Variants in BCAS3 observed in about 807,000 individuals in gnomAD.
The protein encoded by BCAS3 is BCAS4/BCAS3 fusion.
Under a neutral mutation model 116.1 loss-of-function variants are expected in BCAS3, and 53 were observed. That is an observed-to-expected ratio of 0.46 (90% CI 0.37 to 0.57). The LOEUF is 0.57. Among genes scored for constraint, BCAS3 ranks in the 20% least tolerant of loss-of-function variants. The pLI is 0.00. For missense variants in BCAS3, 917 were observed against 1,165.4 expected, an observed-to-expected ratio of 0.79 and a Z score of 3.10; for synonymous variants, 391 against 408.2, an observed-to-expected ratio of 0.96 and a Z score of 0.51.
chr17:61,350,965 T>C (rs1468214214), intron 22 of BCAS3, among the ~76,000 whole-genome samples: 2 of 152,126 alleles, frequency 1.3e-5, no homozygotes, highest in African/African-American at 4.8e-5. Flanking sequence ...GATCCTGCCA[T>C]TTGCCACAAC....
rs76155852 is a variant in BCAS3 at position 60,874,410 on chromosome 17, GTAGT to G, written c.585-250_585-247del. 2.0e-5 allele frequency among the ~76,000 whole-genome samples: 3 copies of G among 152,106 alleles called. No individual in the cohort carries two copies. In the East Asian group the frequency reaches 5.8e-4, roughly 29 times the overall value. ...TAAAAGACAAACATTTTTTGAGGTG[GTAGT>G]TTTTTCTTCCATCACTTTTCTTCTA... On this transcript the variant is annotated intron_variant, in intron 8 of 23. Transcript: ENST00000407086.
Position 61,365,958 on chromosome 17 carries a change from C to A in BCAS3, c.2426-2369C>A, listed in dbSNP as rs1284068284. ...AGAAGTTCAAGACCAGCCTGGCCTA[C>A]ATGGTGAAACCCCGTCTCTACTAAA... On this transcript the variant is annotated intron_variant, in intron 22 of 23. Transcript: ENST00000407086. This position sits in a 1 kb window ranked among gnomAD's most constrained non-coding sequence, Gnocchi z 4.6. Among the ~76,000 whole-genome samples, 1 of 152,030 alleles carries A rather than the reference C, an allele frequency of 6.6e-6. No individual in the cohort carries two copies. Among genetic ancestry groups the A allele is most frequent in the Non-Finnish European group, 1.5e-5 (1 of 68,010 alleles).
chr17:61,040,779 C>T lies in BCAS3; in HGVS notation c.1929-13C>T. On this transcript the variant is annotated splice_polypyrimidine_tract_variant and intron_variant, in intron 18 of 23. Transcript: ENST00000407086. ...TAAGCTTAAATATTAATATTCTTCTCCTGTTTCCTTAGAACCCCTCAATGG... is the reference window on the plus strand; with the variant it reads ...TAAGCTTAAATATTAATATTCTTCTTCTGTTTCCTTAGAACCCCTCAATGG... The T allele has an allele frequency of 3.7e-6, 6 of 1,600,800 alleles. No individual in the cohort carries two copies. The highest frequency in any genetic ancestry group is 4.3e-6 in the Non-Finnish European group (5 of 1,167,982).
In BCAS3 at chr17:60,967,332, A is replaced by G. The variant is rs1344114538; in HGVS notation, c.1221+19980A>G. ...GCTGAATGCAATATTCTTGGATGGC[A>G]ATGTTTTCTCCTTGAGCACTTTGAA... On this transcript the variant is annotated intron_variant, in intron 14 of 23. Coordinates refer to ENST00000407086, the MANE Select transcript of BCAS3 (RefSeq NM_017679.5). This position sits in a 1 kb window ranked among gnomAD's most constrained non-coding sequence, Gnocchi z 4.7. Among the ~76,000 whole-genome samples, 1 of 152,064 alleles carries G rather than the reference A, an allele frequency of 6.6e-6. No individual in the cohort carries two copies. Among genetic ancestry groups the G allele is most frequent in the Non-Finnish European group, 1.5e-5 (1 of 68,006 alleles).
chr17:60,930,578 T>C (rs151178565), intron 13 of BCAS3, among the ~76,000 whole-genome samples: 3,283 of 152,028 alleles, frequency 0.022, 98 homozygotes, highest in East Asian at 0.11. Context: ...GCCCCAGCCT[T>C]CTGAGTAGCT....
At chr17:60,903,789 A>G (rs1180216822) in intron 11 of BCAS3, among the ~76,000 whole-genome samples, 1 of 152,208 alleles carries the variant, frequency 6.6e-6, no homozygotes, top group East Asian at 1.9e-4. Context: ...TAGAAAAATT[A>G]TGATGGTTAT....
chr17:60,684,919 A>T (rs1365130828), intron 3 of BCAS3, among the ~76,000 whole-genome samples: 1 of 152,180 alleles, frequency 6.6e-6, no homozygotes, highest in East Asian at 1.9e-4. Context: ...GAGTGGGAAA[A>T]AAAGGAGAAA....
chr17:60,709,969 C>T (rs1177379085), intron 5 of BCAS3, among the ~76,000 whole-genome samples: 2 of 152,096 alleles, frequency 1.3e-5, no homozygotes, highest in Non-Finnish European at 2.9e-5. Context: ...TAATTATCTT[C>T]CAGTAGATGA....
rs1371331050 is a variant in BCAS3 at position 61,347,284 on chromosome 17, G to C, written c.2426-21043G>C. On this transcript the variant is annotated intron_variant, in intron 22 of 23. Coordinates refer to ENST00000407086, the MANE Select transcript of BCAS3 (RefSeq NM_017679.5). The surrounding 1 kb of genome is among the most constrained non-coding windows in gnomAD (Gnocchi z 4.3). ...TTTAGTAGAGACGGGGTTACACCGT[G>C]TTGGCCAGGCTGGTCTCGATATGCT... 1.3e-5 allele frequency among the ~76,000 whole-genome samples: 2 copies of C among 152,148 alleles called. No individual in the cohort carries two copies. The highest frequency in any genetic ancestry group is 2.9e-5 in the Non-Finnish European group (2 of 68,028).
Position 61,301,361 on chromosome 17 carries a change from C to T in BCAS3, c.2426-66966C>T, listed in dbSNP as rs372760113. Among the ~76,000 whole-genome samples, 110 of 152,278 alleles carry T rather than the reference C, an allele frequency of 7.2e-4. 1 individual carries two copies. Among genetic ancestry groups the T allele is most frequent in the African/African-American group, 2.2e-3 (92 of 41,552 alleles). On this transcript the variant is annotated intron_variant, in intron 22 of 23. Coordinates refer to ENST00000407086, the MANE Select transcript of BCAS3 (RefSeq NM_017679.5). ...TGAAAAGACTGATTTCGGCCGGGCA[C>T]GGTGACTCACGCCTGTAATCCCAGC...
In BCAS3 at chr17:61,163,430, G is replaced by GAA. The variant is rs11438901; in HGVS notation, c.2425+78880_2425+78881dup. Among the ~76,000 whole-genome samples the GAA allele has an allele frequency of 7.7e-3, 1,108 of 144,226 alleles. 14 individuals are homozygous for GAA. The highest frequency in any genetic ancestry group is 0.023 in the African/African-American group (897 of 39,272). 94.6% of individuals were successfully genotyped at this position (144,226 alleles called of 152,430 possible). A position where few individuals can be genotyped will look rare whatever the true frequency, so the allele number is the denominator to read the frequency against. On this transcript the variant is annotated intron_variant, in intron 22 of 23. Transcript: ENST00000407086. The stretch of plus-strand genomic sequence containing the variant: ...CAGAGCGAGACTCCGTCTCAGAAAG[G>GAA]AAAAAAAAAAAAAAAGTTTTTTTCT...
intron 11 of BCAS3, among the ~76,000 whole-genome samples, chr17:60,903,259 GC>G (rs1223108309): frequency 6.6e-6 from 1 of 152,162 alleles, no homozygotes; most frequent in Non-Finnish European, 1.5e-5. Context: ...ATAATAGAAA[GC>G]ACAACCATTC....
At chr17:60,808,484 G>A (rs2048490536) in intron 7 of BCAS3, among the ~76,000 whole-genome samples, 1 of 152,224 alleles carries the variant, frequency 6.6e-6, no homozygotes, top group African/African-American at 2.4e-5. Flanking sequence ...TCAGTAAATA[G>A]TGTGCACTTC....
intron 14 of BCAS3, among the ~76,000 whole-genome samples, chr17:60,974,990 TG>T (rs2062216386): frequency 1.5e-5 from 2 of 137,164 alleles, no homozygotes; most frequent in Admixed American, 6.8e-5. Flanking sequence ...TTGTTTTTTT[TG>T]CTTTTTTGTT....
At position 61,057,953 on chromosome 17, in the gene BCAS3, C is replaced by CT. The variant is rs888670965; in HGVS notation, c.2030-16958dup. On this transcript the variant is annotated intron_variant, in intron 19 of 23. Transcript: ENST00000407086. ...TAGTCTTGTGTCTTTAGCATAGCTA[C>CT]TTTTTTTTTATATTGAAGCCTCTTT... 5.7e-4 allele frequency among the ~76,000 whole-genome samples: 86 copies of CT among 151,170 alleles called. No individual in the cohort carries two copies. In the East Asian group the frequency reaches 8.3e-3, roughly 15 times the overall value.
chr17:60,893,955 G>A (rs1363078934), intron 10 of BCAS3, among the ~76,000 whole-genome samples: 1 of 152,054 alleles, frequency 6.6e-6, no homozygotes, highest in African/African-American at 2.4e-5. Flanking sequence ...AGTTACTGCA[G>A]CCTTGTAGTA....
At chr17:60,910,936 C>T (rs1016776638) in intron 12 of BCAS3, among the ~76,000 whole-genome samples, 2 of 151,974 alleles carry the variant, frequency 1.3e-5, no homozygotes, top group African/African-American at 4.8e-5. Context: ...AAGAGATTCT[C>T]TTATCTGTGA....
chr17:61,033,269 G>A (rs934094637), intron 16 of BCAS3, among the ~76,000 whole-genome samples: 9 of 152,124 alleles, frequency 5.9e-5, no homozygotes, highest in Non-Finnish European at 8.8e-5. Flanking sequence ...GGATTGTTGG[G>A]CTCCATTCCC....
rs188328543 is a variant in BCAS3, at chr17:61,051,497, C to G, written c.2029+10605C>G. Among the ~76,000 whole-genome samples, 32 of 152,286 alleles carry G rather than the reference C, an allele frequency of 2.1e-4. No homozygotes were observed. Among genetic ancestry groups the G allele is most frequent in the African/African-American group, 7.0e-4 (29 of 41,562 alleles). On this transcript the variant is annotated intron_variant, in intron 19 of 23. Coordinates refer to ENST00000407086, the MANE Select transcript of BCAS3 (RefSeq NM_017679.5). The surrounding 1 kb of genome is among the most constrained non-coding windows in gnomAD (Gnocchi z 4.1). ...TCTGAATAAAGTCTCTGGATTGTAT[C>G]AATGGTGATTTTCTGATTTTGCAAC...
Sources: gnomAD v4.1 joint callset for allele counts (sites outside exome capture counted in the v4.1 genomes callset) on GRCh38, gnomAD v4.1.1 for gene constraint, Gnocchi (gnomAD v3.1) non-coding constraint, MANE v1.5 for transcripts, NCBI Gene and HGNC (gene_info 2026-07-23, HGNC 2026-07-21) for gene names.